The following NELL2 variants were observed in gnomAD, a reference collection of about 807,000 sequenced individuals.
NELL2 encodes neural EGFL like 2.
Under a neutral mutation model 109.6 loss-of-function variants are expected in NELL2, and 41 were observed. The observed-to-expected ratio is 0.37, with a 90% CI of 0.29 to 0.49. NELL2 has a LOEUF of 0.49. Among genes scored for constraint, NELL2 ranks in the 20% least tolerant of loss-of-function variants. The pLI is 0.98. For missense variants in NELL2, 900 were observed against 1,008.3 expected (o/e 0.89, Z 1.45); for synonymous variants, 355 against 344.7 (o/e 1.03, Z -0.33).
intron 13 of NELL2, 86 bp from the exon 14 acceptor site, chr12:44,611,056 T>C (rs1945604642): frequency 1.5e-6 from 2 of 1,364,278 alleles, no homozygotes; most frequent in East Asian, 2.3e-5. Flanking sequence ...GGTTATTGCA[T>C]GGTAAATTCT....
At chr12:44,533,438 A>G (rs1942172000) in intron 15 of NELL2, among the ~76,000 whole-genome samples, 1 of 152,092 alleles carries the variant, frequency 6.6e-6, no homozygotes, top group Admixed American at 6.6e-5. Flanking sequence ...TGCCATGTAG[A>G]TAGTACATTG....
rs562870025 is a variant in NELL2 at position 44,685,316 on chromosome 12, G to A, written c.1318+18410C>T. On this transcript the variant is annotated intron_variant, in intron 12 of 19. Coordinates refer to ENST00000429094, the MANE Select transcript of NELL2 (RefSeq NM_001145108.2). ...TTTGAGCCTATGTGTGTCTCTGCAC[G>A]TGAGATGGGTTTCCTGAATACAGCA... 8.6e-4 allele frequency among the ~76,000 whole-genome samples: 130 copies of A among 151,962 alleles called. No individual in the cohort carries two copies. In the Middle Eastern group the frequency reaches 0.014, roughly 16 times the overall value.
At chr12:44,656,032 C>T (rs868016487) in intron 13 of NELL2, among the ~76,000 whole-genome samples, 1 of 152,128 alleles carries the variant, frequency 6.6e-6, no homozygotes, top group Admixed American at 6.5e-5. Context: ...CAACTAGTGG[C>T]CAGATGGTAG....
At chr12:44,896,536 T>A (rs1190872382) in intron 1 of NELL2, among the ~76,000 whole-genome samples, 1 of 152,220 alleles carries the variant, frequency 6.6e-6, no homozygotes, top group Non-Finnish European at 1.5e-5. Flanking sequence ...CAAGGGCATA[T>A]GCCCTTAAGG....
At chr12:44,840,003 T>C (rs1381832627) in intron 2 of NELL2, among the ~76,000 whole-genome samples, 1 of 152,160 alleles carries the variant, frequency 6.6e-6, no homozygotes, top group African/African-American at 2.4e-5. Flanking sequence ...CGGGCCACTC[T>C]CCCACATGTG....
At chr12:44,666,744 C>G (rs1420441011) in intron 12 of NELL2, among the ~76,000 whole-genome samples, 2 of 152,164 alleles carry the variant, frequency 1.3e-5, no homozygotes, top group Non-Finnish European at 2.9e-5. Flanking sequence ...ATTCCATGGA[C>G]AGCATAATAA....
intron 2 of NELL2, among the ~76,000 whole-genome samples, chr12:44,861,099 T>C (rs568629365): frequency 6.6e-6 from 1 of 152,278 alleles, no homozygotes; most frequent in Admixed American, 6.5e-5. Flanking sequence ...GGTGAGAGAT[T>C]GCAGCACCTG....
At chr12:44,654,995 C>G (rs994315364) in intron 13 of NELL2, among the ~76,000 whole-genome samples, 3 of 152,156 alleles carry the variant, frequency 2.0e-5, no homozygotes, top group Non-Finnish European at 4.4e-5. Flanking sequence ...CAGCAATCCT[C>G]TCCTCTGCAG....
Position 44,894,781 on chromosome 12 carries a change from T to C in NELL2, c.39-18881A>G, listed in dbSNP as rs73283014. Among the ~76,000 whole-genome samples, 886 of 152,296 alleles carry C rather than the reference T, an allele frequency of 5.8e-3. 7 individuals carry two copies. Among genetic ancestry groups the C allele is most frequent in the African/African-American group, 0.02 (843 of 41,568 alleles). On this transcript the variant is annotated intron_variant, in intron 1 of 20. Transcript: ENST00000333837. ...TTTTACCCTTCAGTTTTACCTATTATTGAAAAATATTTTGCATTCCTTCTT... is the reference window on the plus strand; with the variant it reads ...TTTTACCCTTCAGTTTTACCTATTACTGAAAAATATTTTGCATTCCTTCTT...
chr12:44,719,263 A>C (rs964389549), intron 9 of NELL2, among the ~76,000 whole-genome samples: 1 of 152,258 alleles, frequency 6.6e-6, no homozygotes, highest in Non-Finnish European at 1.5e-5. Context: ...AGAAGCCAGT[A>C]AAACTCTGAA....
intron 13 of NELL2, among the ~76,000 whole-genome samples, chr12:44,653,928 A>G (rs912964915): frequency 2.6e-5 from 4 of 152,196 alleles, no homozygotes; most frequent in African/African-American, 9.7e-5. Flanking sequence ...AATTCCATTC[A>G]CACTAAACTT....
chr12:44,577,419 T>C (rs1364623450), intron 15 of NELL2, among the ~76,000 whole-genome samples: 1 of 147,894 alleles, frequency 6.8e-6, no homozygotes, highest in Non-Finnish European at 1.5e-5. Flanking sequence ...TAAATTTGTT[T>C]GAGTTCATTG....
At chr12:44,865,142 G>C (rs1334013720) in intron 2 of NELL2, among the ~76,000 whole-genome samples, 2 of 119,970 alleles carry the variant, frequency 1.7e-5, no homozygotes, top group East Asian at 2.3e-4. Flanking sequence ...ATTTTTTCAT[G>C]TGTTTTTTGG....
intron 2 of NELL2, among the ~76,000 whole-genome samples, chr12:44,820,476 A>G (rs1394208372): frequency 3.3e-5 from 5 of 151,962 alleles, no homozygotes; most frequent in Admixed American, 6.6e-5. Flanking sequence ...AGGCGTGGTG[A>G]TGGGCGCCTG....
intron 1 of NELL2, among the ~76,000 whole-genome samples, chr12:44,911,982 TA>T (rs1377741089): frequency 6.6e-6 from 1 of 150,430 alleles, no homozygotes; most frequent in African/African-American, 2.4e-5. Context: ...TAATAAAATT[TA>T]AAAAAATAAA....
At chr12:44,828,642 A>G (rs1244462571) in intron 2 of NELL2, among the ~76,000 whole-genome samples, 2 of 152,192 alleles carry the variant, frequency 1.3e-5, no homozygotes, top group Non-Finnish European at 2.9e-5. Flanking sequence ...CCCAGAACCA[A>G]CAACTGTAAT....
At position 44,520,221 on chromosome 12, in the gene NELL2, T is replaced by C. The variant is rs779383678; in HGVS notation, c.2184A>G (p.Glu728=). ...NCQQCRCLQG[E]VDCWPLPCPD... is the part of the protein sequence containing the mutation. Reference sequence around the variant, plus strand: ...GGCAAGGCAGGGGCCAACAATCAACTTCCCCTTGCTACAAGGAAAGCAGAT... The same window carrying C: ...GGCAAGGCAGGGGCCAACAATCAACCTCCCCTTGCTACAAGGAAAGCAGAT... Residue 728 remains glutamate, a synonymous_variant, in exon 19 of 20, where the codon GAA becomes GAG. Coordinates refer to ENST00000429094, the MANE Select transcript of NELL2 (RefSeq NM_001145108.2). 38 of 1,609,496 alleles carry C rather than the reference T, an allele frequency of 2.4e-5. No homozygotes were observed. Among genetic ancestry groups the C allele is most frequent in the Non-Finnish European group, 2.9e-5 (34 of 1,178,128 alleles).
intron 19 of NELL2, among the ~76,000 whole-genome samples, chr12:44,515,101 T>C (rs1941200666): frequency 6.6e-6 from 1 of 151,446 alleles, no homozygotes; most frequent in African/African-American, 2.4e-5. Context: ...ATAGGACAAA[T>C]AGAAAACAAA....
chr12:44,855,573 T>C (rs1944660424), intron 2 of NELL2, among the ~76,000 whole-genome samples: 1 of 152,212 alleles, frequency 6.6e-6, no homozygotes, highest in Non-Finnish European at 1.5e-5. Flanking sequence ...TGCTGTACCC[T>C]GGATGCACTC....
Sources: gnomAD v4.1 joint callset for allele counts (sites outside exome capture counted in the v4.1 genomes callset) on GRCh38, gnomAD v4.1.1 for gene constraint, MANE v1.5 for transcripts, NCBI Gene and HGNC (gene_info 2026-07-23, HGNC 2026-07-21) for gene names.